The following TRANK1 variants were observed in gnomAD, a reference collection of about 807,000 sequenced individuals.
TRANK1 encodes tetratricopeptide repeat and ankyrin repeat containing 1.
TRANK1 carries 198 observed loss-of-function variants against 266.0 expected under a neutral mutation model. That is an observed-to-expected ratio of 0.74 (90% CI 0.66 to 0.84). TRANK1 has a LOEUF of 0.84. Ranked by LOEUF, TRANK1 falls within the 40% of genes least tolerant of loss-of-function variation. The pLI is 0.00. For missense variants in TRANK1, 3,326 were observed against 3,634.6 expected (o/e 0.92, Z 2.18); for synonymous variants, 1,396 against 1,384.1 (o/e 1.01, Z -0.19).
chr3:36,904,629 G>A (rs1281060170), intron 2 of TRANK1, among the ~76,000 whole-genome samples: 1 of 152,052 alleles, frequency 6.6e-6, no homozygotes, highest in African/African-American at 2.4e-5. Context: ...AATAAACAAA[G>A]GAAAAATCAC....
At chr3:36,846,080 C>T (rs1046804262) in intron 17 of TRANK1, among the ~76,000 whole-genome samples, 168 bp downstream of exon 17, 5 of 152,232 alleles carry the variant, frequency 3.3e-5, no homozygotes, top group African/African-American at 1.2e-4. Flanking sequence ...ACTACAGCTA[C>T]ACTTTCCCAT....
At chr3:36,893,641 G>C (rs925256350) in intron 5 of TRANK1, among the ~76,000 whole-genome samples, 1 of 152,188 alleles carries the variant, frequency 6.6e-6, no homozygotes, top group Non-Finnish European at 1.5e-5. Context: ...TTGCTGAAGA[G>C]ACTAAATCCC....
chr3:36,856,394 C>A lies in TRANK1; in HGVS notation c.3328G>T (p.Ala1110Ser). The A allele has an allele frequency of 2.5e-6, 4 of 1,603,358 alleles. No homozygotes were observed. Among genetic ancestry groups the A allele is most frequent in the South Asian group, 2.2e-5 (2 of 90,092 alleles). Residue 1110 changes from alanine to serine, a missense_variant, in exon 13 of 24, where the codon GCC becomes TCC. Ala to Ser is a moderately conservative substitution (Grantham distance 99). Coordinates refer to ENST00000645898, the MANE Select transcript of TRANK1 (RefSeq NM_001329998.2). ...KAEQAGSPLL[A>S]KQVWLKRRLE... ...CTTCTCTTCAGCCAGACCTGTTTGG[C>A]CAGCAATGGGCTTCCTGCCTGCTCA...
Position 36,855,882 on chromosome 3 carries a change from C to A in TRANK1, c.3840G>T (p.Gln1280His). ...GCCAACTAGGAATGGTTGACTCTTC[C>A]TGTGCAGACCATCCTATGATGGTTC... Reference protein sequence around the residue: ...LKRTIIGWSAQEESTIPSWQE... With the variant: ...LKRTIIGWSAHEESTIPSWQE... The change falls in exon 13 of 24, where the codon CAG (glutamine) becomes CAT (histidine). Residue 1280 changes from glutamine to histidine, a missense_variant. Transcript: ENST00000645898. The A allele has an allele frequency of 6.2e-7, 1 of 1,613,710 alleles. No homozygotes were observed. The highest frequency in any genetic ancestry group is 8.5e-7 in the Non-Finnish European group (1 of 1,179,854).
intron 8 of TRANK1, among the ~76,000 whole-genome samples, chr3:36,881,324 C>T (rs1320883066): frequency 6.6e-6 from 1 of 151,984 alleles, no homozygotes; most frequent in African/African-American, 2.4e-5. Context: ...TGGTGGCATG[C>T]GCCTGTAGTC....
At chr3:36,842,787 A>T in intron 17 of TRANK1, 77 bp from the exon 18 acceptor site, 4 of 1,247,884 alleles carry the variant, frequency 3.2e-6, no homozygotes, top group Non-Finnish European at 4.6e-6. Context: ...GCTGAGTTGC[A>T]TCTCCTCCGC....
At chr3:36,829,728 T>C in intron 22 of TRANK1, 66 bp from the exon 23 acceptor site, 3 of 1,526,750 alleles carry the variant, frequency 2.0e-6, no homozygotes, top group Non-Finnish European at 2.7e-6. Context: ...CACCAATTAC[T>C]AGACCCAGAG....
At chr3:36,878,419 C>G (rs1049307093) in intron 8 of TRANK1, among the ~76,000 whole-genome samples, 2 of 152,180 alleles carry the variant, frequency 1.3e-5, no homozygotes, top group African/African-American at 4.8e-5. Flanking sequence ...AGCTGCAGGT[C>G]CTAAACTACC....
chr3:36,920,483 C>T (rs1417232287), intron 1 of TRANK1, among the ~76,000 whole-genome samples: 1 of 152,042 alleles, frequency 6.6e-6, no homozygotes, highest in Non-Finnish European at 1.5e-5. Flanking sequence ...GAGTGTAGGG[C>T]ACAATTCTGG....
chr3:36,857,431 G>C lies in TRANK1; in HGVS notation c.2291C>G (p.Ala764Gly), dbSNP rs1163081527. Reference protein sequence around the residue: ...LQSSEPLEAGAGKEGKKDDKP... With the variant: ...LQSSEPLEAGGGKEGKKDDKP... Reference sequence around the variant, plus strand: ...GTCATCTTTCTTTCCTTCTTTGCCAGCTCCTGCCTCCAGAGGCTCAGAGCT... The same window carrying C: ...GTCATCTTTCTTTCCTTCTTTGCCACCTCCTGCCTCCAGAGGCTCAGAGCT... Residue 764 changes from alanine to glycine, a missense_variant, in exon 13 of 24, where the codon GCT (alanine) becomes GGT (glycine). By Grantham distance (60) the Ala-to-Gly change is moderately conservative (BLOSUM62 0). Transcript: ENST00000645898. The surrounding 1 kb of genome is among the most constrained non-coding windows in gnomAD (Gnocchi z 4.3). 6.2e-7 allele frequency: 1 copy of C among 1,613,882 alleles called. No individual in the cohort carries two copies. The highest frequency in any genetic ancestry group is 8.5e-7 in the Non-Finnish European group (1 of 1,179,864).
At position 36,832,604 on chromosome 3, in the gene TRANK1, T is replaced by A. The variant is rs1239551839; in HGVS notation, c.6979A>T (p.Thr2327Ser). ...TGCATGGCACTCAGCCACAGGTCTG[T>A]GGATTCCCGGCGGTTGCGTGCGCTT... The part of the protein sequence containing the change: ...NESARNRRES[T>S]DLWLSAMQAF... Residue 2327 changes from threonine (T) to serine (S), a missense_variant, in exon 22 of 24, where the codon ACA becomes TCA. Physicochemically the swap from Thr to Ser is moderately conservative, Grantham distance 58. Coordinates refer to ENST00000645898, the MANE Select transcript of TRANK1 (RefSeq NM_001329998.2). 1.2e-5 allele frequency: 19 copies of A among 1,614,014 alleles called. No homozygotes were observed. The highest frequency in any genetic ancestry group is 1.6e-5 in the Non-Finnish European group (19 of 1,179,896).
Position 36,930,240 on chromosome 3 carries a change from GGGA to G in TRANK1, c.23+14544_23+14546del, listed in dbSNP as rs2080343082. Among the ~76,000 whole-genome samples, 3 of 152,292 alleles carry G rather than the reference GGGA, an allele frequency of 2.0e-5. No individual in the cohort carries two copies. The East Asian group carries it at 5.8e-4, about 29-fold the overall frequency. On this transcript the variant is annotated intron_variant, in intron 1 of 23. Transcript: ENST00000645898. ...CACTGCAGGCCTTGAAGGCGGAGCG[GGGA>G]GGAGTGATGAGGAACGTGGGTCACC...
At position 36,895,659 on chromosome 3, in the gene TRANK1, G is replaced by A. The variant is rs2079778749; in HGVS notation, c.533C>T (p.Ala178Val). 1.3e-6 allele frequency: 2 copies of A among 1,534,190 alleles called. No individual in the cohort carries two copies. Among genetic ancestry groups the A allele is most frequent in the African/African-American group, 2.7e-5 (2 of 72,872 alleles). Residue 178 changes from alanine to valine, a missense_variant, in exon 5 of 24, where the codon GCA becomes GTA. By Grantham distance (64) the Ala-to-Val change is moderately conservative. Transcript: ENST00000645898. ...EVWQSVIEKL[A>V]KKGLWHSFLL... ...ACTTACATGCCATAATCCTTTCTTTGCCAACTTTTCTATTACAGATTGCCA... is the reference window on the plus strand; with the variant it reads ...ACTTACATGCCATAATCCTTTCTTTACCAACTTTTCTATTACAGATTGCCA...
chr3:36,875,677 G>T (rs1209535151), intron 8 of TRANK1, among the ~76,000 whole-genome samples: 1 of 152,190 alleles, frequency 6.6e-6, no homozygotes, highest in African/African-American at 2.4e-5. Context: ...AACCTCCAGG[G>T]TATCAACCCA....
intron 1 of TRANK1, among the ~76,000 whole-genome samples, chr3:36,911,795 A>G (rs6791624): frequency 7.9e-5 from 12 of 152,274 alleles, no homozygotes; most frequent in African/African-American, 2.7e-4. Flanking sequence ...ATTATTAAAT[A>G]AAAGTGGTAA....
In TRANK1 at chr3:36,831,369, TCTC is replaced by T. The variant is rs758608118; in HGVS notation, c.8211_8213del (p.Arg2739del). 1 of 1,613,326 alleles carries T rather than the reference TCTC, an allele frequency of 6.2e-7. No homozygotes were observed. Among genetic ancestry groups the T allele is most frequent in the South Asian group, 1.1e-5 (1 of 90,940 alleles). On this transcript the variant is annotated inframe_deletion, in exon 22 of 24. Transcript: ENST00000645898. The surrounding 1 kb of genome is among the most constrained non-coding windows in gnomAD (Gnocchi z 5.0). ...CACGCTCCATCTGGGTGCCCACTCT[TCTC>T]CTCCAACTGATGCACAGAGACACCA...
In TRANK1 at chr3:36,874,109, T is replaced by C. The variant is rs2125574776; in HGVS notation, c.1078+17A>G. ...CAGTTTTATGCCCCCCAAAAGTTAA[T>C]ACACTGGAAGCTGTACCTGATAGGT... On this transcript the variant is annotated intron_variant, in intron 9 of 23. Transcript: ENST00000645898. 1 of 1,529,560 alleles carries C rather than the reference T, an allele frequency of 6.5e-7. No homozygotes were observed. The allele number at this position is 1,529,560 out of a possible 1,614,324, so 94.7% of individuals were successfully genotyped here. A position where few individuals can be genotyped will look rare whatever the true frequency, so the allele number is the denominator to read the frequency against.
intron 8 of TRANK1, among the ~76,000 whole-genome samples, chr3:36,879,667 T>TATAAATATATAAATATAA (rs2079453668): frequency 1.2e-5 from 1 of 86,628 alleles, no homozygotes; most frequent in Non-Finnish European, 2.1e-5. Context: ...TATATAAATA[T>TATAAATATATAAATATAA]ATATAAATAT....
Position 36,857,220 on chromosome 3 carries a change from C to T in TRANK1, c.2502G>A (p.Trp834Ter), listed in dbSNP as rs2079068726. 8 of 1,613,764 alleles carry T rather than the reference C, an allele frequency of 5.0e-6. No individual in the cohort carries two copies. The highest frequency in any genetic ancestry group is 3.3e-4 in the Middle Eastern group (2 of 6,084). The change falls in exon 13 of 24, where the codon TGG becomes TGA. Residue 834 changes from tryptophan to a stop codon, truncating the protein, a stop_gained. Transcript: ENST00000645898. LOFTEE classifies it high-confidence loss of function. This position sits in a 1 kb window ranked among gnomAD's most constrained non-coding sequence, Gnocchi z 4.3. ...GCATTTCTGAAGTGCACTCGATCTC[C>T]CAGGTCATGTTATCGAAGTCCTGGA... ...ACLQDFDNMT[W>*]EIECTSEMLK...
Sources: allele counts gnomAD v4.1 joint callset (sites outside exome capture counted in the v4.1 genomes callset), GRCh38; gene constraint gnomAD v4.1.1; non-coding constraint Gnocchi (gnomAD v3.1); transcripts MANE v1.5; gene names NCBI Gene and HGNC (gene_info 2026-07-23, HGNC 2026-07-21).